ZC3H12C: variants seen among roughly 807,000 people sequenced by gnomAD.
ZC3H12C encodes zinc finger CCCH-type containing 12C.
ZC3H12C carries 20 observed loss-of-function variants against 76.3 expected under a neutral mutation model. The ratio of observed to expected loss-of-function variants is 0.26; its 90% CI spans 0.18 to 0.38. The LOEUF (loss-of-function observed/expected upper bound fraction) is 0.38. Ranked by LOEUF, ZC3H12C falls within the 10% of genes least tolerant of loss-of-function variation. The pLI, the probability that ZC3H12C is intolerant of heterozygous loss-of-function variation, is 1.00. For missense variants in ZC3H12C, 874 were observed against 1,086.5 expected (o/e 0.80, Z 2.75); for synonymous variants, 352 against 399.6 (o/e 0.88, Z 1.42).
chr11:110,150,636 T>A (rs1591481746), intron 2 of ZC3H12C, among the ~76,000 whole-genome samples: 1 of 152,128 alleles, frequency 6.6e-6, no homozygotes. Flanking sequence ...TTTGAAATAA[T>A]TTTTTCTCTT....
chr11:110,150,437 A>G (rs1862251386), intron 2 of ZC3H12C, among the ~76,000 whole-genome samples: 1 of 152,094 alleles, frequency 6.6e-6, no homozygotes, highest in Non-Finnish European at 1.5e-5. Context: ...GGATCTTTTA[A>G]ATTAAAATTG....
At position 110,165,185 on chromosome 11, in the gene ZC3H12C, GCCT is replaced by G. The variant is rs1431650866; in HGVS notation, c.2105_2107del (p.Pro702del). 7 of 1,613,722 alleles carry G rather than the reference GCCT, an allele frequency of 4.3e-6. No individual in the cohort carries two copies. In the African/African-American group the frequency reaches 8.0e-5, roughly 18 times the overall value. ...ACGAAGAACCAAAGTTCCATCACAA[GCCT>G]CCTCTTCCGCACCTGGCTCTGCACC... On this transcript the variant is annotated inframe_deletion, in exon 6 of 6. Transcript: ENST00000278590.
At chr11:110,114,607 C>T (rs949756248) in intron 1 of ZC3H12C, among the ~76,000 whole-genome samples, 7 of 152,116 alleles carry the variant, frequency 4.6e-5, no homozygotes, top group Non-Finnish European at 5.9e-5. Context: ...ACTGGATAAT[C>T]GTGGACCATG....
Position 110,165,782 on chromosome 11 carries a change from C to G in ZC3H12C, c.*45C>G. 1 of 1,506,436 alleles carries G rather than the reference C, an allele frequency of 6.6e-7. No homozygotes were observed. The allele number at this position is 1,506,436 out of a possible 1,614,324, so 93.3% of individuals were successfully genotyped here. On this transcript the variant is annotated 3_prime_UTR_variant, in exon 6 of 6. Coordinates refer to ENST00000278590, the MANE Select transcript of ZC3H12C (RefSeq NM_033390.2). ...GTGTTTAGTAGTTTTTTGTTCAGCTCAAATGCTGAGGGAGGTTTGCTACAA... is the reference window on the plus strand; with the variant it reads ...GTGTTTAGTAGTTTTTTGTTCAGCTGAAATGCTGAGGGAGGTTTGCTACAA...
In ZC3H12C at chr11:110,093,463, G is replaced by A. The variant is rs763416898; in HGVS notation, c.21+31G>A. ...TCCTCGGGAAGGGGGTGGGGGACGCGGACCGCGGCGAGAGTGGTCCTGGGG... is the reference window on the plus strand; with the variant it reads ...TCCTCGGGAAGGGGGTGGGGGACGCAGACCGCGGCGAGAGTGGTCCTGGGG... On this transcript the variant is annotated intron_variant, in intron 1 of 5. Transcript: ENST00000278590. 23 of 1,197,662 alleles carry A rather than the reference G, an allele frequency of 1.9e-5. No individual in the cohort carries two copies. The South Asian group carries it at 3.7e-4, about 19-fold the overall frequency. The allele number at this position is 1,197,662 out of a possible 1,614,324, so 74.2% of individuals were successfully genotyped here. A position where few individuals can be genotyped will look rare whatever the true frequency, so the allele number is the denominator to read the frequency against.
At chr11:110,107,305 TTA>T (rs1471439134) in intron 1 of ZC3H12C, among the ~76,000 whole-genome samples, 8 of 152,210 alleles carry the variant, frequency 5.3e-5, no homozygotes, top group African/African-American at 1.9e-4. Context: ...TGTTCGTTTT[TTA>T]TGTCATATCT....
intron 1 of ZC3H12C, among the ~76,000 whole-genome samples, chr11:110,116,381 T>C (rs1486874493): frequency 6.6e-6 from 1 of 152,220 alleles, no homozygotes; most frequent in East Asian, 1.9e-4. Context: ...AGAAACATTA[T>C]TCTAAATTAT....
intron 1 of ZC3H12C, among the ~76,000 whole-genome samples, chr11:110,119,387 C>T (rs1246010870): frequency 1.7e-5 from 1 of 60,252 alleles, no homozygotes; most frequent in Non-Finnish European, 2.9e-5. Context: ...AGACTCCATT[C>T]CAGACATCCT....
chr11:110,099,668 TG>T (rs1354988411), intron 1 of ZC3H12C, among the ~76,000 whole-genome samples: 1 of 152,104 alleles, frequency 6.6e-6, no homozygotes, highest in Non-Finnish European at 1.5e-5. Flanking sequence ...AAAAATCAGC[TG>T]GGTGTGGTGG....
At chr11:110,159,995 T>A (rs1027741322) in intron 4 of ZC3H12C, among the ~76,000 whole-genome samples, 1 of 152,264 alleles carries the variant, frequency 6.6e-6, no homozygotes, top group Admixed American at 6.5e-5. Context: ...GTGGTACATA[T>A]AGCCTGTTGC....
At chr11:110,150,793 T>C (rs1041336717) in intron 2 of ZC3H12C, among the ~76,000 whole-genome samples, 4 of 152,296 alleles carry the variant, frequency 2.6e-5, no homozygotes, top group African/African-American at 9.6e-5. Context: ...TACTGTGATC[T>C]TTTGTGTTAC....
chr11:110,098,021 CA>C (rs888359077), intron 1 of ZC3H12C, among the ~76,000 whole-genome samples: 3 of 151,778 alleles, frequency 2.0e-5, no homozygotes, highest in African/African-American at 4.8e-5. Context: ...TCTACTTATA[CA>C]AAAAAAAGTT....
At chr11:110,138,223 G>A (rs975751652) in intron 2 of ZC3H12C, among the ~76,000 whole-genome samples, 7 of 124,910 alleles carry the variant, frequency 5.6e-5, no homozygotes, top group Non-Finnish European at 1.2e-4. Flanking sequence ...TCAGAGCGCT[G>A]TGAAGATAAA....
intron 1 of ZC3H12C, among the ~76,000 whole-genome samples, chr11:110,106,376 CA>C (rs1409624429): frequency 5.9e-5 from 9 of 152,222 alleles, no homozygotes; most frequent in Admixed American, 5.9e-4. Context: ...TTTCCCCACA[CA>C]GCCTATTTAC....
At chr11:110,158,607 T>G (rs1242687560) in intron 3 of ZC3H12C, among the ~76,000 whole-genome samples, 6 of 152,166 alleles carry the variant, frequency 3.9e-5, no homozygotes, top group African/African-American at 1.2e-4. Context: ...CTTCTTATCT[T>G]TTACTCAGTC....
chr11:110,155,812 A>G (rs1010295402), intron 3 of ZC3H12C, among the ~76,000 whole-genome samples: 2 of 152,186 alleles, frequency 1.3e-5, no homozygotes, highest in African/African-American at 4.8e-5. Context: ...TCTTAGTTGC[A>G]ACTTTGTGAG....
chr11:110,165,819 A>G lies in ZC3H12C; in HGVS notation c.*82A>G. The G allele has an allele frequency of 7.7e-7, 1 of 1,307,008 alleles. No individual in the cohort carries two copies. Among genetic ancestry groups the G allele is most frequent in the Non-Finnish European group, 1.0e-6 (1 of 963,496 alleles). 81.0% of individuals were successfully genotyped at this position (1,307,008 alleles called of 1,614,324 possible). On this transcript the variant is annotated 3_prime_UTR_variant, in exon 6 of 6. Coordinates refer to ENST00000278590, the MANE Select transcript of ZC3H12C (RefSeq NM_033390.2). The stretch of plus-strand genomic sequence containing the variant: ...GAGGTTTGCTACAATAGCACATGTG[A>G]TCTCCTTCTCAGCAAGGAGGTTATA...
At chr11:110,150,234 A>G (rs991840098) in intron 2 of ZC3H12C, among the ~76,000 whole-genome samples, 6 of 152,166 alleles carry the variant, frequency 3.9e-5, no homozygotes, top group Admixed American at 1.3e-4. Context: ...TTGGAATTGC[A>G]ACATACAGAT....
At chr11:110,093,970 C>A (rs1047617733) in intron 1 of ZC3H12C, among the ~76,000 whole-genome samples, 1 of 152,180 alleles carries the variant, frequency 6.6e-6, no homozygotes, top group African/African-American at 2.4e-5. Flanking sequence ...TCACTCCCCC[C>A]TCGTCCCTCC....
Sources: gnomAD v4.1 joint callset for allele counts (sites outside exome capture counted in the v4.1 genomes callset) on GRCh38, gnomAD v4.1.1 for gene constraint, MANE v1.5 for transcripts, NCBI Gene and HGNC (gene_info 2026-07-23, HGNC 2026-07-21) for gene names.